The following SLC7A11 variants were observed in gnomAD, a reference collection of about 807,000 sequenced individuals.
The protein encoded by SLC7A11 is cystine/glutamate transporter.
Under a neutral mutation model 54.5 loss-of-function variants are expected in SLC7A11, and 35 were observed. The ratio of observed to expected loss-of-function variants is 0.64; its 90% CI spans 0.49 to 0.85. The LOEUF (loss-of-function observed/expected upper bound fraction) is 0.85, where lower values mean the gene tolerates loss of function less well. Among genes scored for constraint, SLC7A11 ranks in the 40% least tolerant of loss-of-function variants. The pLI is 0.00. For missense variants in SLC7A11, 583 were observed against 618.1 expected (o/e 0.94, Z 0.60); for synonymous variants, 230 against 225.2 (o/e 1.02, Z -0.19).
intron 6 of SLC7A11, among the ~76,000 whole-genome samples, chr4:138,195,760 T>C (rs930698756): frequency 6.6e-6 from 1 of 152,302 alleles, no homozygotes; most frequent in South Asian, 2.1e-4. Context: ...ACCAATTCCA[T>C]AAAAATATTA....
chr4:138,215,801 G>GA (rs1373040579), intron 5 of SLC7A11, among the ~76,000 whole-genome samples: 7 of 151,928 alleles, frequency 4.6e-5, no homozygotes, highest in Non-Finnish European at 2.9e-5. Context: ...CACCACCAAT[G>GA]AAAAATCACA....
chr4:138,237,723 ATATATATATATATATTTTTTTTTTTTTTT>A (rs1738256989), intron 1 of SLC7A11, among the ~76,000 whole-genome samples: 1 of 7,874 alleles, frequency 1.3e-4, no homozygotes, highest in African/African-American at 4.3e-4. Flanking sequence ...ATATATATAT[ATATATATATATATATTTTTTTTTTTTTTT>A]TTTTTTTTTT....
intron 10 of SLC7A11, 136 bp downstream of exon 10, chr4:138,180,505 T>C: frequency 1.3e-6 from 1 of 779,822 alleles, no homozygotes; most frequent in Non-Finnish European, 2.0e-6. Flanking sequence ...AGGAAAGCAC[T>C]GCCTGCAAGA....
intron 11 of SLC7A11, among the ~76,000 whole-genome samples, chr4:138,172,535 G>T (rs1219217862): frequency 6.6e-6 from 1 of 152,160 alleles, no homozygotes; most frequent in Non-Finnish European, 1.5e-5. Flanking sequence ...GATTCTCAAA[G>T]TGCGGTCCCT....
In SLC7A11 at chr4:138,183,257, A is replaced by C. The variant is rs773286669; in HGVS notation, c.964T>G (p.Phe322Val). 3.1e-6 allele frequency: 5 copies of C among 1,612,212 alleles called. No individual in the cohort carries two copies. In the Admixed American group the frequency reaches 8.4e-5, roughly 27 times the overall value. Reference protein sequence around the residue: ...LGNFSLAVPIFVALSCFGSMN... With the variant: ...LGNFSLAVPIVVALSCFGSMN... ...GAGCCAAAGCAGGAGAGGGCAACAA[A>C]GATCGGAACTGCTAATGAGAAATTT... Residue 322 changes from phenylalanine (F) to valine (V), a missense_variant, in exon 8 of 12, where the codon TTT becomes GTT. Coordinates refer to ENST00000280612, the MANE Select transcript of SLC7A11 (RefSeq NM_014331.4).
chr4:138,177,115 G>T (rs933547845), intron 11 of SLC7A11: 2 of 152,096 alleles, frequency 1.3e-5, no homozygotes, highest in South Asian at 2.1e-4. Context: ...GCTAATAAAA[G>T]GTATTAATAA....
intron 6 of SLC7A11, among the ~76,000 whole-genome samples, chr4:138,189,734 G>C (rs1736962673): frequency 6.6e-6 from 1 of 152,136 alleles, no homozygotes; most frequent in Non-Finnish European, 1.5e-5. Context: ...AGAATAAGGT[G>C]CATTTTTTAA....
intron 11 of SLC7A11, 33 bp from the exon 12 acceptor site, chr4:138,172,050 T>A: frequency 1.3e-6 from 2 of 1,567,592 alleles, no homozygotes; most frequent in East Asian, 2.3e-5. Context: ...TAAAAATGCA[T>A]GGAAATCAGA....
intron 2 of SLC7A11, among the ~76,000 whole-genome samples, chr4:138,235,347 A>G (rs563556693): frequency 6.6e-6 from 1 of 152,210 alleles, no homozygotes; most frequent in East Asian, 1.9e-4. Context: ...AATAATGCAG[A>G]GTGTTTAAAA....
chr4:138,237,590 G>A (rs1441921646), intron 1 of SLC7A11, among the ~76,000 whole-genome samples: 2 of 147,196 alleles, frequency 1.4e-5, no homozygotes, highest in African/African-American at 2.5e-5. Flanking sequence ...TAGAGACAGG[G>A]TTTCACCATG....
At chr4:138,220,403 T>C (rs1017875889) in intron 4 of SLC7A11, among the ~76,000 whole-genome samples, 1 of 152,120 alleles carries the variant, frequency 6.6e-6, no homozygotes. Flanking sequence ...TACTCTCTTG[T>C]CCTTTACAGA....
At chr4:138,199,294 T>C (rs141144517) in intron 6 of SLC7A11, among the ~76,000 whole-genome samples, 13 of 152,264 alleles carry the variant, frequency 8.5e-5, no homozygotes, top group African/African-American at 3.1e-4. Context: ...ATCATATTTT[T>C]TTGGCATTTT....
rs754405921 is a variant in SLC7A11 at position 138,223,167 on chromosome 4, A to G, written c.646+32T>C. The G allele has an allele frequency of 1.3e-5, 20 of 1,595,194 alleles. No homozygotes were observed. In the African/African-American group the frequency reaches 2.4e-4, roughly 19 times the overall value. ...TAAAAAAGACCAAAAGCAGATACGT[A>G]TTTTAAAAAGCATTTGCTTTTCAGT... On this transcript the variant is annotated intron_variant, in intron 4 of 11. Coordinates refer to ENST00000280612, the MANE Select transcript of SLC7A11 (RefSeq NM_014331.4).
chr4:138,241,305 A>C (rs982906521), intron 1 of SLC7A11, among the ~76,000 whole-genome samples: 1 of 152,232 alleles, frequency 6.6e-6, no homozygotes, highest in African/African-American at 2.4e-5. Context: ...TGAACTTAAA[A>C]AATATTTTTA....
At chr4:138,190,708 T>C (rs1736989537) in intron 6 of SLC7A11, among the ~76,000 whole-genome samples, 1 of 152,160 alleles carries the variant, frequency 6.6e-6, no homozygotes, top group African/African-American at 2.4e-5. Flanking sequence ...TGAGTTTTCT[T>C]CCATACATTT....
rs547672967 is a variant in SLC7A11 at position 138,165,974 on chromosome 4, G to C, written c.*5982C>G. The C allele has an allele frequency of 5.9e-5, 9 of 152,236 alleles. No homozygotes were observed. The highest frequency in any genetic ancestry group is 1.9e-4 in the African/African-American group (8 of 41,562). The allele number at this position is 152,236 out of a possible 1,614,324, so 9.4% of individuals were successfully genotyped here. A position where few individuals can be genotyped will look rare whatever the true frequency, so the allele number is the denominator to read the frequency against. Reference sequence around the variant, plus strand: ...TTTCAGAGCAATAAGAAAGTTATTTGGGGTAGTACTTGAAATAATTCATAT... The same window carrying C: ...TTTCAGAGCAATAAGAAAGTTATTTCGGGTAGTACTTGAAATAATTCATAT... On this transcript the variant is annotated 3_prime_UTR_variant, in exon 12 of 12. Coordinates refer to ENST00000280612, the MANE Select transcript of SLC7A11 (RefSeq NM_014331.4).
At chr4:138,236,183 T>C (rs1297943608) in intron 2 of SLC7A11, 142 bp downstream of exon 2, 3 of 631,174 alleles carry the variant, frequency 4.8e-6, no homozygotes, top group Non-Finnish European at 7.8e-6. Context: ...AGGTACTTTA[T>C]CACAGGCTTT....
intron 5 of SLC7A11, among the ~76,000 whole-genome samples, chr4:138,215,580 A>G (rs958370324): frequency 2.6e-5 from 4 of 152,130 alleles, no homozygotes; most frequent in African/African-American, 9.7e-5. Context: ...GTGATCTAAA[A>G]AGTCAGCAAC....
At chr4:138,192,109 T>C (rs1737026507) in intron 6 of SLC7A11, among the ~76,000 whole-genome samples, 1 of 152,158 alleles carries the variant, frequency 6.6e-6, no homozygotes, top group Non-Finnish European at 1.5e-5. Context: ...ATTTTTATAA[T>C]AGTGTTTCTA....
Sources: gnomAD v4.1 joint callset for allele counts (sites outside exome capture counted in the v4.1 genomes callset) on GRCh38, gnomAD v4.1.1 for gene constraint, MANE v1.5 for transcripts, NCBI Gene and HGNC (gene_info 2026-07-23, HGNC 2026-07-21) for gene names.